Variants in MGAM2 observed in about 807,000 individuals in gnomAD.
The protein encoded by MGAM2 is maltase-glucoamylase 2 (putative), also known as probable maltase-glucoamylase 2.
MGAM2 carries 98 observed loss-of-function variants against 96.1 expected under a neutral mutation model. The ratio of observed to expected loss-of-function variants is 1.02; its 90% CI spans 0.87 to 1.21. The LOEUF (loss-of-function observed/expected upper bound fraction) is 1.21. MGAM2 is among the 50% of genes most tolerant of loss of function. MGAM2 has a pLI of 0.00. For missense variants in MGAM2, 2,055 were observed against 1,182.4 expected (o/e 1.74, Z -10.82); for synonymous variants, 749 against 414.8 (o/e 1.81, Z -9.79).
At chr7:142,185,909 C>CA in intron 34 of MGAM2, 80 bp from the exon 35 acceptor site, 2 of 654,502 alleles carry the variant, frequency 3.1e-6, no homozygotes, top group Non-Finnish European at 5.6e-6. Flanking sequence ...TGGGCAGGCA[C>CA]AAATTCCTGT....
chr7:142,199,271 TAAC>T (rs1797145509), intron 44 of MGAM2, among the ~76,000 whole-genome samples: 1 of 152,190 alleles, frequency 6.6e-6, no homozygotes, highest in Non-Finnish European at 1.5e-5. Context: ...AGGCACATAA[TAAC>T]AAGTCAAAAG....
At chr7:142,212,243 A>G (rs1797607713) in intron 46 of MGAM2, among the ~76,000 whole-genome samples, 1 of 152,252 alleles carries the variant, frequency 6.6e-6, no homozygotes, top group Non-Finnish European at 1.5e-5. Flanking sequence ...CAGCTCCTGC[A>G]AAAATAAACC....
At chr7:142,128,517 C>A (rs563462317) in intron 3 of MGAM2, among the ~76,000 whole-genome samples, 2 of 152,314 alleles carry the variant, frequency 1.3e-5, no homozygotes, top group African/African-American at 4.8e-5. Flanking sequence ...AAGCCTCGGA[C>A]AGAAAAATGG....
At chr7:142,147,660 A>G (rs1182084633) in intron 15 of MGAM2, 87 bp downstream of exon 15, 3 of 581,980 alleles carry the variant, frequency 5.2e-6, no homozygotes, top group Non-Finnish European at 9.1e-6. Flanking sequence ...TATGTAATAT[A>G]TTGTTCAAAT....
rs867992712 is a variant in MGAM2 at position 142,198,818 on chromosome 7, G to A, written c.5048+79G>A. ...CCTTACAGGAGGCTGTCCCACCTTCGCCAGGGATATGTGGATTATAAACTA... is the reference window on the plus strand; with the variant it reads ...CCTTACAGGAGGCTGTCCCACCTTCACCAGGGATATGTGGATTATAAACTA... On this transcript the variant is annotated intron_variant, in intron 44 of 47. Coordinates refer to ENST00000477922, the MANE Select transcript of MGAM2 (RefSeq NM_001293626.2). The A allele has an allele frequency of 9.9e-5, 63 of 638,818 alleles. 1 individual carries two copies. The highest frequency in any genetic ancestry group is 6.5e-4 in the South Asian group (37 of 57,074). 39.6% of individuals were successfully genotyped at this position (638,818 alleles called of 1,614,324 possible). A position where few individuals can be genotyped will look rare whatever the true frequency, so the allele number is the denominator to read the frequency against.
chr7:142,114,028 G>C (rs1030396911), intron 1 of MGAM2, among the ~76,000 whole-genome samples: 1 of 151,764 alleles, frequency 6.6e-6, no homozygotes, highest in Non-Finnish European at 1.5e-5. Flanking sequence ...CTACTCGCGG[G>C]GCTGAGGCGG....
At chr7:142,149,892 C>G (rs1381809078) in intron 15 of MGAM2, among the ~76,000 whole-genome samples, 1 of 151,766 alleles carries the variant, frequency 6.6e-6, no homozygotes, top group African/African-American at 2.4e-5. Flanking sequence ...GCTCTGTTAC[C>G]TGTTTTCACC....
In MGAM2 at chr7:142,220,597, C is replaced by T; in HGVS notation, c.6086C>T (p.Thr2029Ile). 1.4e-6 allele frequency: 1 copy of T among 698,484 alleles called. No homozygotes were observed. 43.3% of individuals were successfully genotyped at this position (698,484 alleles called of 1,614,324 possible). ...PITTTLFATS[T>I]IGVTTGTTVP... ...ACAACCACACTTTTTGCAACAAGTA[C>T]TATTGGTGTTACAACTGGTACTACT... The change falls in exon 48 of 48, where the codon ACT (threonine) becomes ATT (isoleucine). Residue 2029 changes from threonine to isoleucine, a missense_variant. Transcript: ENST00000477922.
rs1039756477 is a variant in MGAM2 at position 142,190,897 on chromosome 7, G to A, written c.4346+1392G>A. Among the ~76,000 whole-genome samples the A allele has an allele frequency of 2.3e-4, 35 of 152,104 alleles. No homozygotes were observed. In the Middle Eastern group the frequency reaches 0.01, roughly 44 times the overall value. On this transcript the variant is annotated intron_variant, in intron 37 of 47. Coordinates refer to ENST00000477922, the MANE Select transcript of MGAM2 (RefSeq NM_001293626.2). ...CACCTGTAATCTCAGTACTTTGGGA[G>A]GCCGAAGTGGGAGGATTGCTTGAGT... is the stretch of plus-strand genomic sequence containing the variant.
chr7:142,127,247 G>C (rs1380601303), intron 3 of MGAM2, among the ~76,000 whole-genome samples: 2 of 152,054 alleles, frequency 1.3e-5, no homozygotes, highest in African/African-American at 4.8e-5. Context: ...CATTTTATTT[G>C]CTTTTCTTTC....
At chr7:142,191,471 G>A (rs1442561960) in intron 37 of MGAM2, among the ~76,000 whole-genome samples, 1 of 152,056 alleles carries the variant, frequency 6.6e-6, no homozygotes, top group African/African-American at 2.4e-5. Flanking sequence ...TTTGTGTATG[G>A]TGTGAGGTAG....
chr7:142,124,319 T>C (rs1794677808), intron 3 of MGAM2, among the ~76,000 whole-genome samples: 1 of 152,062 alleles, frequency 6.6e-6, no homozygotes, highest in Admixed American at 6.6e-5. Context: ...TCACCACTTA[T>C]TGAACTGACC....
At chr7:142,149,686 A>G (rs1029787901) in intron 15 of MGAM2, among the ~76,000 whole-genome samples, 13 of 151,878 alleles carry the variant, frequency 8.6e-5, no homozygotes, top group Non-Finnish European at 1.6e-4. Context: ...GACTACAGGC[A>G]GCTGCCACCA....
rs575368126 is a variant in MGAM2, at chr7:142,218,408, G to A, written c.5235G>A (p.Ser1745=). The change falls in exon 47 of 48, where the codon TCG becomes TCA. Residue 1745 remains serine (S), a synonymous_variant. Coordinates refer to ENST00000477922, the MANE Select transcript of MGAM2 (RefSeq NM_001293626.2). The part of the protein sequence containing the change: ...QTIHNKYLSD[S]NPLKVGYIRI... The stretch of plus-strand genomic sequence containing the variant: ...TACACAATAAGTATTTGAGTGACTC[G>A]AATCCACTAAAAGTTGGGTATATTA... 9 of 702,282 alleles carry A rather than the reference G, an allele frequency of 1.3e-5. No homozygotes were observed. The highest frequency in any genetic ancestry group is 3.5e-5 in the African/African-American group (2 of 57,312). The allele number at this position is 702,282 out of a possible 1,614,324, so 43.5% of individuals were successfully genotyped here. A position where few individuals can be genotyped will look rare whatever the true frequency, so the allele number is the denominator to read the frequency against.
chr7:142,140,377 G>A lies in MGAM2; in HGVS notation c.1087-425G>A, dbSNP rs540672713. Reference sequence around the variant, plus strand: ...TGTTAATCATTACTCTAGCACTTTCGTAGGGCAAAAGATCATTTTCTCCTC... The same window carrying A: ...TGTTAATCATTACTCTAGCACTTTCATAGGGCAAAAGATCATTTTCTCCTC... On this transcript the variant is annotated intron_variant, in intron 10 of 47. Transcript: ENST00000477922. 1.2e-4 allele frequency among the ~76,000 whole-genome samples: 18 copies of A among 152,232 alleles called. No individual in the cohort carries two copies. In the Middle Eastern group the frequency reaches 0.014, roughly 115 times the overall value.
At chr7:142,134,428 C>A (rs186197226) in intron 7 of MGAM2, among the ~76,000 whole-genome samples, 186 of 152,084 alleles carry the variant, frequency 1.2e-3, no homozygotes, top group African/African-American at 4.4e-3. Flanking sequence ...ATATTAGAAC[C>A]TAGTATATAC....
rs138076283 is a variant in MGAM2 at position 142,168,896 on chromosome 7, C to G, written c.3028-1179C>G. On this transcript the variant is annotated intron_variant, in intron 26 of 47. Coordinates refer to ENST00000477922, the MANE Select transcript of MGAM2 (RefSeq NM_001293626.2). ...CATTTCTAGTGAATCTCAATTCAGA[C>G]TAGCCCATGTCAGGCACTCAAAGGC... 7.2e-3 allele frequency among the ~76,000 whole-genome samples: 1,098 copies of G among 152,314 alleles called. 12 individuals carry two copies. Among genetic ancestry groups the G allele is most frequent in the African/African-American group, 0.025 (1,045 of 41,570 alleles).
chr7:142,185,944 T>C (rs1447193049), intron 34 of MGAM2, 45 bp from the exon 35 acceptor site: 2 of 699,262 alleles, frequency 2.9e-6, no homozygotes, highest in Non-Finnish European at 2.6e-6. Flanking sequence ...TGGTCTCCTG[T>C]ATAGGCTGAG....
intron 44 of MGAM2, 102 bp from the exon 45 acceptor site, chr7:142,199,778 T>C (rs1325388865): frequency 2.3e-4 from 117 of 506,276 alleles, no homozygotes; most frequent in Non-Finnish European, 6.6e-5. Flanking sequence ...ATTTAATACA[T>C]TTCTTTTATT....
Sources: gnomAD v4.1 joint callset for allele counts (sites outside exome capture counted in the v4.1 genomes callset) on GRCh38, gnomAD v4.1.1 for gene constraint, MANE v1.5 for transcripts, NCBI Gene and HGNC (gene_info 2026-07-23, HGNC 2026-07-21) for gene names.